Variants in NCKAP5L observed in about 807,000 individuals in gnomAD.
NCKAP5L encodes the protein nck-associated protein 5-like.
In NCKAP5L, 54 loss-of-function variants were observed where a neutral mutation model predicts 103.2. The observed-to-expected ratio is 0.52, with a 90% CI of 0.42 to 0.66. The LOEUF (loss-of-function observed/expected upper bound fraction) is 0.66. Ranked by LOEUF, NCKAP5L falls within the 30% of genes least tolerant of loss-of-function variation. The pLI is 0.00. For synonymous variants in NCKAP5L, 762 were observed against 748.6 expected (o/e 1.02, Z -0.29); for missense variants, 1,733 against 1,750.6 (o/e 0.99, Z 0.18).
rs547354911 is a variant in NCKAP5L, at chr12:49,808,795, G to A, written c.-98-2754C>T. Among the ~76,000 whole-genome samples, 8 of 152,308 alleles carry A rather than the reference G, an allele frequency of 5.3e-5. No homozygotes were observed. In the South Asian group the frequency reaches 6.2e-4, roughly 12 times the overall value. ...TGGGGCAGGGAAAACCCCAGGCTTC[G>A]GGTTTTTGGAATGGCTCTGGTTTCA... On this transcript the variant is annotated intron_variant, in intron 1 of 12. Transcript: ENST00000335999.
chr12:49,793,360 T>G lies in NCKAP5L; in HGVS notation c.3332A>C (p.His1111Pro). 1.9e-6 allele frequency: 3 copies of G among 1,607,292 alleles called. No homozygotes were observed. The highest frequency in any genetic ancestry group is 2.5e-6 in the Non-Finnish European group (3 of 1,179,710). ...CCCCTGACCCTGCTGACCTGTGAAG[T>G]GTGAGGTGGGCACTGGCTCGGCCAG... Reference protein sequence around the residue: ...DSLAEPVPTSHFTACGSLTRT... With the variant: ...DSLAEPVPTSPFTACGSLTRT... Residue 1111 changes from histidine (H) to proline (P), a missense_variant, in exon 10 of 13, where the codon CAC becomes CCC. Physicochemically the swap from His to Pro is moderately conservative, Grantham distance 77. Transcript: ENST00000335999.
intron 6 of NCKAP5L, among the ~76,000 whole-genome samples, chr12:49,800,733 C>A (rs560703347): frequency 8.5e-5 from 13 of 152,354 alleles, no homozygotes; most frequent in Admixed American, 8.5e-4. Context: ...GGCCAAGCTT[C>A]GTGCTCTTTC....
chr12:49,791,980 G>A lies in NCKAP5L; in HGVS notation c.3864C>T (p.Phe1288=), dbSNP rs764617213. 13 of 1,608,014 alleles carry A rather than the reference G, an allele frequency of 8.1e-6. No individual in the cohort carries two copies. Among genetic ancestry groups the A allele is most frequent in the South Asian group, 1.1e-5 (1 of 90,418 alleles). The change falls in exon 13 of 13, where the codon TTC becomes TTT. Residue 1288 remains phenylalanine (F), a synonymous_variant. Transcript: ENST00000335999. The part of the protein sequence containing the change: ...RPSPTPQGPP[F]GGSRTPSTSD... ...AAGTGCTGGGGGTGCGGCTACCCCC[G>A]AAAGGTGGGCCCTGGGGCGTAGGGG...
Position 49,791,270 on chromosome 12 carries a change from A to AGGCGC in NCKAP5L, c.*564_*568dup. 1 of 153,310 alleles carries AGGCGC rather than the reference A, an allele frequency of 6.5e-6. No individual in the cohort carries two copies. The highest frequency in any genetic ancestry group is 2.1e-4 in the South Asian group (1 of 4,852). The allele number at this position is 153,310 out of a possible 1,614,324, so 9.5% of individuals were successfully genotyped here. ...GGGGCTGGGGGCTGGGGGCTGGGCC[A>AGGCGC]GGCGCTTCAATATATAAAAACAACA... On this transcript the variant is annotated 3_prime_UTR_variant, in exon 13 of 13. Transcript: ENST00000335999.
At chr12:49,798,878 G>A (rs528118414) in intron 6 of NCKAP5L, among the ~76,000 whole-genome samples, 37 of 152,244 alleles carry the variant, frequency 2.4e-4, no homozygotes, top group African/African-American at 8.2e-4. Context: ...TGAGATAAAT[G>A]GTCTTAGATG....
rs373758618 is a variant in NCKAP5L, at chr12:49,795,681, C to A, written c.2179G>T (p.Gly727Trp). ...EQLEAKGGIR[G>W]AVALGTNSLK... ...CTGTTTGTGCCCAAGGCCACTGCCC[C>A]CCGTATCCCCCCCTTGGCTTCTAGC... The change falls in exon 8 of 13, where the codon GGG becomes TGG. Residue 727 changes from glycine to tryptophan, a missense_variant. Coordinates refer to ENST00000335999, the MANE Select transcript of NCKAP5L (RefSeq NM_001037806.4). 52 of 1,612,642 alleles carry A rather than the reference C, an allele frequency of 3.2e-5. No individual in the cohort carries two copies. The highest frequency in any genetic ancestry group is 4.2e-5 in the Non-Finnish European group (49 of 1,179,430).
chr12:49,818,121 G>C (rs1677226249), intron 1 of NCKAP5L, among the ~76,000 whole-genome samples: 1 of 151,402 alleles, frequency 6.6e-6, no homozygotes, highest in Non-Finnish European at 1.5e-5. Context: ...GACACAGCAA[G>C]GCTGTGTCTT....
At chr12:49,817,263 A>G (rs1397534190) in intron 1 of NCKAP5L, among the ~76,000 whole-genome samples, 11 of 152,200 alleles carry the variant, frequency 7.2e-5, no homozygotes, top group Admixed American at 7.2e-4. Flanking sequence ...CCCTATCAAG[A>G]TATCAATTAT....
At chr12:49,808,979 G>A (rs751421977) in intron 1 of NCKAP5L, among the ~76,000 whole-genome samples, 1 of 152,152 alleles carries the variant, frequency 6.6e-6, no homozygotes, top group Non-Finnish European at 1.5e-5. Context: ...CTCAGTGCAG[G>A]GGGAGGGAGA....
rs371984400 is a variant in NCKAP5L at position 49,797,223 on chromosome 12, G to A, written c.637C>T (p.Arg213Trp). ...GAGCCAGGCCCCTGGCCTGGAGGCC[G>A]CCAGGGGGTGGCAGGTGAGCAGAGA... is the stretch of plus-strand genomic sequence containing the variant. ...LLLCSPATPW[R>W]PPGQGPGSPE... The change falls in exon 8 of 13, where the codon CGG becomes TGG. Residue 213 changes from arginine (R) to tryptophan (W), a missense_variant. By Grantham distance (101) the Arg-to-Trp change is moderately radical. Coordinates refer to ENST00000335999, the MANE Select transcript of NCKAP5L (RefSeq NM_001037806.4). This position sits in a 1 kb window ranked among gnomAD's most constrained non-coding sequence, Gnocchi z 4.5. 37 of 1,613,272 alleles carry A rather than the reference G, an allele frequency of 2.3e-5. No homozygotes were observed. The highest frequency in any genetic ancestry group is 2.8e-5 in the Non-Finnish European group (33 of 1,179,814).
At chr12:49,800,564 G>A (rs1023990379) in intron 6 of NCKAP5L, among the ~76,000 whole-genome samples, 11 of 152,202 alleles carry the variant, frequency 7.2e-5, no homozygotes, top group Non-Finnish European at 1.2e-4. Context: ...TGGGCCAAGC[G>A]CGACACATCA....
intron 10 of NCKAP5L, 144 bp downstream of exon 10, chr12:49,793,208 T>G: frequency 2.3e-6 from 2 of 867,468 alleles, no homozygotes; most frequent in Non-Finnish European, 3.6e-6. Context: ...TTTGTTCCTG[T>G]GTAGCTCCAG....
Position 49,796,956 on chromosome 12 carries a change from A to C in NCKAP5L, c.904T>G (p.Ser302Ala). Residue 302 changes from serine (S) to alanine (A), a missense_variant, in exon 8 of 13, where the codon TCT becomes GCT. Transcript: ENST00000335999. ...CAPGSSSSSS[S>A]DEAGDPNEAP... ...TCATTGGGGTCACCTGCCTCATCAG[A>C]AGAGGAGGAGGAGCTGCTGCCTGGG... 6.2e-7 allele frequency: 1 copy of C among 1,604,442 alleles called. No individual in the cohort carries two copies. Among genetic ancestry groups the C allele is most frequent in the Non-Finnish European group, 8.5e-7 (1 of 1,176,098 alleles).
chr12:49,810,255 G>A (rs1265494428), intron 1 of NCKAP5L, among the ~76,000 whole-genome samples: 1 of 152,156 alleles, frequency 6.6e-6, no homozygotes, highest in Non-Finnish European at 1.5e-5. Context: ...CACACCAGGG[G>A]CTCTGCAGCC....
chr12:49,824,318 G>A (rs895712123), intron 1 of NCKAP5L, among the ~76,000 whole-genome samples: 9 of 152,232 alleles, frequency 5.9e-5, no homozygotes, highest in African/African-American at 2.2e-4. Context: ...CACGCCACAG[G>A]CACAGTCCAT....
chr12:49,814,355 G>A (rs1946274823), intron 1 of NCKAP5L, among the ~76,000 whole-genome samples: 1 of 150,922 alleles, frequency 6.6e-6, no homozygotes, highest in Admixed American at 6.6e-5. Flanking sequence ...GTGGTGGTGT[G>A]CGCCTGTAAT....
chr12:49,811,982 C>T (rs1946244884), intron 1 of NCKAP5L, among the ~76,000 whole-genome samples: 1 of 152,214 alleles, frequency 6.6e-6, no homozygotes, highest in South Asian at 2.1e-4. Context: ...TTTCAGTCCT[C>T]ATTGCCATCG....
Position 49,796,586 on chromosome 12 carries a change from T to C in NCKAP5L, c.1274A>G (p.His425Arg). The C allele has an allele frequency of 6.2e-7, 1 of 1,602,724 alleles. No homozygotes were observed. Among genetic ancestry groups the C allele is most frequent in the Non-Finnish European group, 8.5e-7 (1 of 1,175,674 alleles). ...CTTGCTTTTCACCTGAGATGAGGAA[T>C]GGGGGTGGCCAGGCCGAGAGCCCAG... ...APLGSRPGHP[H>R]SSSQVKSKLQ... The change falls in exon 8 of 13, where the codon CAT becomes CGT. Residue 425 changes from histidine to arginine, a missense_variant. Coordinates refer to ENST00000335999, the MANE Select transcript of NCKAP5L (RefSeq NM_001037806.4).
At chr12:49,805,263 G>C (rs1198303948) in intron 2 of NCKAP5L, 1 of 152,288 alleles carries the variant, frequency 6.6e-6, no homozygotes, top group Non-Finnish European at 1.5e-5. Flanking sequence ...CATGCCTCCT[G>C]GTGGGATCCC....
Sources: gnomAD v4.1 joint callset for allele counts (sites outside exome capture counted in the v4.1 genomes callset) on GRCh38, gnomAD v4.1.1 for gene constraint, Gnocchi (gnomAD v3.1) non-coding constraint, MANE v1.5 for transcripts, NCBI Gene and HGNC (gene_info 2026-07-23, HGNC 2026-07-21) for gene names.